Variants in DPYD observed in about 807,000 individuals in gnomAD.
DPYD encodes dihydropyrimidine dehydrogenase [NADP(+)].
A neutral mutation model predicts 116.2 loss-of-function variants in DPYD; 109 were observed. The ratio of observed to expected loss-of-function variants is 0.94; its 90% CI spans 0.80 to 1.10. The LOEUF (loss-of-function observed/expected upper bound fraction) is 1.10. Among genes scored for constraint, DPYD ranks in the 50% least tolerant of loss-of-function variants. The probability of loss-of-function intolerance (pLI) is 0.00; values close to 1 mark genes in which losing one functional copy is unlikely to be tolerated. For missense variants in DPYD, 1,302 were observed against 1,254.5 expected, an observed-to-expected ratio of 1.04 and a Z score of -0.57; for synonymous variants, 440 against 432.0, an observed-to-expected ratio of 1.02 and a Z score of -0.23.
chr1:97,857,673 T>C (rs544343134), intron 2 of DPYD, among the ~76,000 whole-genome samples: 1 of 152,288 alleles, frequency 6.6e-6, no homozygotes, highest in African/African-American at 2.4e-5. Context: ...TCCTTTGTAA[T>C]ATCATTTACA....
chr1:97,713,792 T>C (rs1480684359), intron 5 of DPYD, among the ~76,000 whole-genome samples: 2 of 152,094 alleles, frequency 1.3e-5, no homozygotes, highest in African/African-American at 4.8e-5. Context: ...TGTTTGAGGG[T>C]TGGGTATTGG....
intron 14 of DPYD, among the ~76,000 whole-genome samples, chr1:97,444,700 A>G (rs776551287): frequency 6.6e-6 from 1 of 152,196 alleles, no homozygotes; most frequent in Non-Finnish European, 1.5e-5. Flanking sequence ...GGGCCTAACC[A>G]TAAGTATCTT....
At chr1:97,687,208 T>C (rs1660784551) in intron 7 of DPYD, among the ~76,000 whole-genome samples, 1 of 151,804 alleles carries the variant, frequency 6.6e-6, no homozygotes, top group Admixed American at 6.6e-5. Context: ...GAGGTAGAGG[T>C]TGAAGTGAGC....
chr1:97,352,311 C>G (rs555400603), intron 16 of DPYD, among the ~76,000 whole-genome samples: 1 of 152,106 alleles, frequency 6.6e-6, no homozygotes, highest in Non-Finnish European at 1.5e-5. Context: ...CTGATGGTTC[C>G]CAGTGTCTCT....
intron 14 of DPYD, among the ~76,000 whole-genome samples, chr1:97,446,283 C>T (rs1676083721): frequency 6.6e-6 from 1 of 152,116 alleles, no homozygotes; most frequent in South Asian, 2.1e-4. Flanking sequence ...CTTTGTAACC[C>T]TATGAATTTT....
chr1:97,100,664 CT>C (rs1650607039), intron 20 of DPYD, among the ~76,000 whole-genome samples: 1 of 152,084 alleles, frequency 6.6e-6, no homozygotes, highest in Non-Finnish European at 1.5e-5. Context: ...ACCTTTTAAT[CT>C]ATCTTCCTTT....
At chr1:97,102,395 T>TA in intron 20 of DPYD, among the ~76,000 whole-genome samples, 1 of 14,142 alleles carries the variant, frequency 7.1e-5, no homozygotes, top group Non-Finnish European at 1.6e-4. Context: ...TCACTCAGTA[T>TA]CATATATATA....
intron 16 of DPYD, among the ~76,000 whole-genome samples, chr1:97,358,269 A>T (rs1286300485): frequency 6.6e-6 from 1 of 152,182 alleles, no homozygotes; most frequent in Non-Finnish European, 1.5e-5. Context: ...GCCATTGCTG[A>T]GGCTTGAATA....
At chr1:97,650,598 T>C (rs1364931654) in intron 8 of DPYD, among the ~76,000 whole-genome samples, 1 of 152,114 alleles carries the variant, frequency 6.6e-6, no homozygotes, top group East Asian at 1.9e-4. Context: ...GGAGAGGAGC[T>C]TGCTCATAAT....
chr1:97,724,296 GGGGGGGGGGGGGTGTGTGTGTGT>G (rs1313346243), intron 4 of DPYD, among the ~76,000 whole-genome samples: 3,038 of 137,826 alleles, frequency 0.022, 161 homozygotes, highest in African/African-American at 0.047. Flanking sequence ...ATGTATGTGG[GGGGGGGGGGGGGTGTGTGTGTGT>G]GTGTGTGTGT....
At chr1:97,254,692 T>G (rs1663335541) in intron 18 of DPYD, among the ~76,000 whole-genome samples, 1 of 152,130 alleles carries the variant, frequency 6.6e-6, no homozygotes, top group Admixed American at 6.6e-5. Context: ...ATAAAACCTA[T>G]TATTTAAAAA....
intron 16 of DPYD, among the ~76,000 whole-genome samples, chr1:97,346,178 GATTT>G (rs935837176): frequency 1.3e-5 from 2 of 151,586 alleles, no homozygotes; most frequent in East Asian, 1.9e-4. Context: ...ATATCACAGA[GATTT>G]ATTTATGTTT....
intron 19 of DPYD, among the ~76,000 whole-genome samples, chr1:97,227,140 C>A (rs1661225958): frequency 6.6e-6 from 1 of 151,748 alleles, no homozygotes; most frequent in Non-Finnish European, 1.5e-5. Flanking sequence ...TCCTGGCCAA[C>A]ATGTTGAAAC....
chr1:97,317,132 G>C (rs1482842652), intron 16 of DPYD, among the ~76,000 whole-genome samples: 4 of 151,984 alleles, frequency 2.6e-5, no homozygotes, highest in Admixed American at 1.3e-4. Context: ...AAATGAGCTT[G>C]AACTTTCTTT....
At chr1:97,502,493 A>G (rs972832831) in intron 13 of DPYD, among the ~76,000 whole-genome samples, 1 of 151,988 alleles carries the variant, frequency 6.6e-6, no homozygotes, top group Non-Finnish European at 1.5e-5. Flanking sequence ...GATTTGTACA[A>G]AGATTCTGGA....
intron 3 of DPYD, among the ~76,000 whole-genome samples, chr1:97,802,069 T>C (rs780745152): frequency 5.3e-5 from 8 of 151,636 alleles, no homozygotes; most frequent in Non-Finnish European, 1.0e-4. Context: ...ACAGAAAAAA[T>C]GATGCAAAGA....
intron 4 of DPYD, among the ~76,000 whole-genome samples, chr1:97,724,963 G>C (rs1571254095): frequency 6.9e-6 from 1 of 144,520 alleles, no homozygotes; most frequent in African/African-American, 2.5e-5. Context: ...AAGAGAGAGA[G>C]AGAGAGAGAG....
chr1:97,343,104 T>C (rs1385346745), intron 16 of DPYD, among the ~76,000 whole-genome samples: 2 of 152,138 alleles, frequency 1.3e-5, no homozygotes, highest in Non-Finnish European at 2.9e-5. Flanking sequence ...TTTGAGATTC[T>C]TGTATGTGTG....
At chr1:97,396,516 A>G (rs768135880) in intron 14 of DPYD, among the ~76,000 whole-genome samples, 7 of 152,078 alleles carry the variant, frequency 4.6e-5, no homozygotes, top group Admixed American at 2.0e-4. Context: ...CATCTAAGCT[A>G]GACCAGCAGA....
Sources: allele counts gnomAD v4.1 joint callset (sites outside exome capture counted in the v4.1 genomes callset), GRCh38; gene constraint gnomAD v4.1.1; transcripts MANE v1.5; gene names NCBI Gene and HGNC (gene_info 2026-07-23, HGNC 2026-07-21).